TTC34: variants seen among roughly 807,000 people sequenced by gnomAD.
TTC34 encodes the protein tetratricopeptide repeat protein 34.
TTC34 carries 44 observed loss-of-function variants against 40.7 expected under a neutral mutation model. That is an observed-to-expected ratio of 1.08 (90% CI 0.85 to 1.39). The LOEUF (loss-of-function observed/expected upper bound fraction) is 1.39, where lower values mean the gene tolerates loss of function less well. Ranked by LOEUF, TTC34 falls within the 40% of genes most tolerant of loss-of-function variation. TTC34 has a pLI of 0.00. For missense variants in TTC34, 884 were observed against 838.0 expected (o/e 1.05, Z -0.68); for synonymous variants, 422 against 398.6 (o/e 1.06, Z -0.70).
At chr1:2,768,323 G>C (rs1245310435) in intron 6 of TTC34, among the ~76,000 whole-genome samples, 1 of 152,112 alleles carries the variant, frequency 6.6e-6, no homozygotes, top group Non-Finnish European at 1.5e-5. Context: ...GGTGAAGGGT[G>C]GTGTTCCGGG....
chr1:2,686,532 G>T (rs1183064640), intron 6 of TTC34, among the ~76,000 whole-genome samples: 1 of 128,020 alleles, frequency 7.8e-6, no homozygotes, highest in East Asian at 2.5e-4. Flanking sequence ...CCCCAGGGGA[G>T]CATCTGACAG....
intron 6 of TTC34, among the ~76,000 whole-genome samples, chr1:2,658,122 C>G (rs1244989357): frequency 8.3e-6 from 1 of 120,466 alleles, no homozygotes; most frequent in African/African-American, 2.8e-5. Flanking sequence ...GAGCATCTGA[C>G]AACAGGGAGC....
intron 6 of TTC34, among the ~76,000 whole-genome samples, chr1:2,685,744 G>A (rs1240340797): frequency 1.4e-5 from 2 of 142,990 alleles, no homozygotes; most frequent in Non-Finnish European, 3.1e-5. Flanking sequence ...TGATGGTCTG[G>A]AGCAGAACCC....
rs139829481 is a variant in TTC34 at position 2,793,706 on chromosome 1, C to T, written c.785-3360G>A. On this transcript the variant is annotated intron_variant, in intron 2 of 8. Coordinates refer to ENST00000401095, the Ensembl canonical transcript of TTC34. ...CTTTTCTTTCTCTATAGATTTGCAACACTCATCTGTCACCTGTTAAGTTTT... is the reference window on the plus strand; with the variant it reads ...CTTTTCTTTCTCTATAGATTTGCAATACTCATCTGTCACCTGTTAAGTTTT... Among the ~76,000 whole-genome samples the T allele has an allele frequency of 2.5e-4, 38 of 152,318 alleles. No homozygotes were observed. The East Asian group carries it at 7.1e-3, about 29-fold the overall frequency.
Position 2,684,583 on chromosome 1 carries a change from A to G in TTC34, c.2227-39020T>C, listed in dbSNP as rs1640233280. On this transcript the variant is annotated intron_variant, in intron 6 of 8. Coordinates refer to ENST00000401095, the Ensembl canonical transcript of TTC34. Reference sequence around the variant, plus strand: ...CCCAGGTGAGCATCCGATAGCCTGGAGCAACACCCATACCCCCAGGTGAGC... The same window carrying G: ...CCCAGGTGAGCATCCGATAGCCTGGGGCAACACCCATACCCCCAGGTGAGC... 2.9e-5 allele frequency among the ~76,000 whole-genome samples: 4 copies of G among 136,194 alleles called. No individual in the cohort carries two copies. The South Asian group carries it at 9.1e-4, about 31-fold the overall frequency. The allele number at this position is 136,194 out of a possible 152,430, so 89.3% of individuals were successfully genotyped here.
intron 6 of TTC34, chr1:2,776,474 A>G (rs1161377049): frequency 1.1e-5 from 1 of 94,804 alleles, no homozygotes; most frequent in Non-Finnish European, 2.0e-5. Context: ...AGCCTGGAAA[A>G]ACAACCCCCT....
intron 2 of TTC34, among the ~76,000 whole-genome samples, chr1:2,799,690 C>G (rs1030997321): frequency 3.9e-5 from 6 of 152,174 alleles, no homozygotes; most frequent in African/African-American, 1.2e-4. Flanking sequence ...TTCCCTCCGA[C>G]AGTCGCCCTG....
At chr1:2,758,223 C>A (rs1641570570) in intron 6 of TTC34, among the ~76,000 whole-genome samples, 1 of 132,000 alleles carries the variant, frequency 7.6e-6, no homozygotes, top group African/African-American at 2.8e-5. Flanking sequence ...CACCCTGGAA[C>A]AGCACACACA....
intron 6 of TTC34, among the ~76,000 whole-genome samples, chr1:2,691,620 G>A (rs1569591520): frequency 8.5e-5 from 8 of 94,142 alleles, no homozygotes; most frequent in Admixed American, 1.2e-4. Context: ...ACAGCACCCT[G>A]CACCCCCAGG....
At position 2,687,197 on chromosome 1, in the gene TTC34, AC is replaced by A. The variant is rs1357665052; in HGVS notation, c.2227-41635del. Among the ~76,000 whole-genome samples the A allele has an allele frequency of 2.1e-5, 3 of 141,812 alleles. No individual in the cohort carries two copies. The South Asian group carries it at 6.5e-4, about 31-fold the overall frequency. The allele number at this position is 141,812 out of a possible 152,430, so 93.0% of individuals were successfully genotyped here. ...CGAGCATCTGAACCCACGGAGCAGC[AC>A]CCACACCTCCCGGCGAGCATCCGAC... On this transcript the variant is annotated intron_variant, in intron 6 of 8. Transcript: ENST00000401095.
In TTC34 at chr1:2,784,097, C is replaced by T. The variant is rs551372666; in HGVS notation, c.2060-322G>A. The stretch of plus-strand genomic sequence containing the variant: ...AAGACGCGGAGACCGGTAGTGGCCC[C>T]GAACGGCTGAGCGCACTGATATTTA... On this transcript the variant is annotated intron_variant, in intron 5 of 8. Coordinates refer to ENST00000401095, the Ensembl canonical transcript of TTC34. 1.6e-4 allele frequency among the ~76,000 whole-genome samples: 25 copies of T among 152,086 alleles called. No homozygotes were observed. The South Asian group carries it at 4.6e-3, about 28-fold the overall frequency.
exon 3 of TTC34, chr1:2,789,953 A>G (rs965590051): frequency 4.3e-5 from 17 of 392,626 alleles, no homozygotes; most frequent in Non-Finnish European, 3.6e-5. Flanking sequence ...GCGCTCGCAC[A>G]TGGCCCGGGC....
intron 6 of TTC34, among the ~76,000 whole-genome samples, chr1:2,759,951 G>GCA (rs1641640454): frequency 2.6e-5 from 2 of 75,622 alleles, no homozygotes; most frequent in African/African-American, 5.3e-5. Context: ...AGCCTGGAAA[G>GCA]GCACCCACAC....
rs1268085252 is a variant in TTC34 at position 2,748,789 on chromosome 1, C to T, written c.2226+34820G>A. On this transcript the variant is annotated intron_variant, in intron 6 of 8. Coordinates refer to ENST00000401095, the Ensembl canonical transcript of TTC34. ...TAGGAGAGCATCCGGCAGCCTGGAGCGGAACCCACACCCACAGGCGAGCAT... is the reference window on the plus strand; with the variant it reads ...TAGGAGAGCATCCGGCAGCCTGGAGTGGAACCCACACCCACAGGCGAGCAT... 9.0e-4 allele frequency among the ~76,000 whole-genome samples: 125 copies of T among 139,000 alleles called. 22 individuals are homozygous for T. Among genetic ancestry groups the T allele is most frequent in the South Asian group, 2.5e-4 (1 of 4,054 alleles). The allele number at this position is 139,000 out of a possible 152,430, so 91.2% of individuals were successfully genotyped here. A position where few individuals can be genotyped will look rare whatever the true frequency, so the allele number is the denominator to read the frequency against.
chr1:2,644,404 G>T (rs773496669), exon 8 of TTC34: 2 of 1,536,020 alleles, frequency 1.3e-6, no homozygotes, highest in Non-Finnish European at 1.7e-6. Flanking sequence ...AGGCCCAGCC[G>T]GGCCCGGGCT....
intron 8 of TTC34, among the ~76,000 whole-genome samples, chr1:2,642,938 C>T (rs1299979017): frequency 6.6e-6 from 1 of 152,250 alleles, no homozygotes; most frequent in Non-Finnish European, 1.5e-5. Context: ...GGGCTCGAAA[C>T]CCCGTCCCTC....
At chr1:2,681,771 G>T (rs372450012) in intron 6 of TTC34, among the ~76,000 whole-genome samples, 422 of 38,556 alleles carry the variant, frequency 0.011, no homozygotes, top group African/African-American at 0.013. Flanking sequence ...GAGAGCCTGG[G>T]TCGGCACCCA....
At chr1:2,779,745 TTA>T (rs1267961609) in intron 6 of TTC34, among the ~76,000 whole-genome samples, 2 of 152,230 alleles carry the variant, frequency 1.3e-5, no homozygotes, top group Non-Finnish European at 2.9e-5. Context: ...CCAGTGCTTG[TTA>T]TTTTCTTTTT....
At chr1:2,789,849 C>T (rs1643641987) in exon 3 of TTC34, 3 of 429,256 alleles carry the variant, frequency 7.0e-6, no homozygotes, top group Admixed American at 4.4e-5. Context: ...GAGTCCCCGG[C>T]GTGCAGCGCG....
Sources: gnomAD v4.1 joint callset for allele counts (sites outside exome capture counted in the v4.1 genomes callset) on GRCh38, gnomAD v4.1.1 for gene constraint, MANE v1.5 for transcripts, NCBI Gene and HGNC (gene_info 2026-07-23, HGNC 2026-07-21) for gene names.